Variants in DPYD observed in about 807,000 individuals in gnomAD.
DPYD encodes dihydropyrimidine dehydrogenase, also known as dihydropyrimidine dehydrogenase [NADP(+)].
Under a neutral mutation model 116.2 loss-of-function variants are expected in DPYD, and 109 were observed. The observed-to-expected ratio is 0.94, with a 90% CI of 0.80 to 1.10. The LOEUF is 1.10. Among genes scored for constraint, DPYD ranks in the 50% least tolerant of loss-of-function variants. The probability of loss-of-function intolerance (pLI) is 0.00; values close to 1 mark genes in which losing one functional copy is unlikely to be tolerated. For synonymous variants in DPYD, 440 were observed against 432.0 expected (o/e 1.02, Z -0.23); for missense variants, 1,302 against 1,254.5 (o/e 1.04, Z -0.57).
chr1:97,669,658 G>C (rs1659751353), intron 8 of DPYD, among the ~76,000 whole-genome samples: 1 of 152,278 alleles, frequency 6.6e-6, no homozygotes, highest in South Asian at 2.1e-4. Context: ...GACAGAGAAA[G>C]AGATTATTAG....
chr1:97,619,209 T>C (rs189933936), intron 8 of DPYD, among the ~76,000 whole-genome samples: 1 of 152,300 alleles, frequency 6.6e-6, no homozygotes, highest in East Asian at 1.9e-4. Context: ...AATTAGGTAA[T>C]CATAAAATAT....
chr1:97,139,936 TTC>T (rs1307565004), intron 20 of DPYD, among the ~76,000 whole-genome samples: 3 of 152,172 alleles, frequency 2.0e-5, no homozygotes, highest in Non-Finnish European at 4.4e-5. Flanking sequence ...CTGTAGAATG[TTC>T]TGTTTCCGCT....
intron 13 of DPYD, among the ~76,000 whole-genome samples, chr1:97,506,673 C>A (rs1647358110): frequency 6.6e-6 from 1 of 151,776 alleles, no homozygotes; most frequent in South Asian, 2.1e-4. Flanking sequence ...GTCCACTCTA[C>A]CAAAATGATT....
intron 16 of DPYD, among the ~76,000 whole-genome samples, chr1:97,351,483 A>T (rs111788017): frequency 0.032 from 4,858 of 152,202 alleles, 116 homozygotes; most frequent in Non-Finnish European, 0.049. Flanking sequence ...AAAAAAATAA[A>T]TCATGGAATG....
intron 19 of DPYD, among the ~76,000 whole-genome samples, chr1:97,229,160 C>T (rs1442229770): frequency 6.0e-5 from 8 of 134,344 alleles, no homozygotes; most frequent in South Asian, 2.5e-4. Flanking sequence ...GCTGAGATTG[C>T]GTCACTGCAC....
At chr1:97,721,389 T>A in intron 5 of DPYD, 121 bp downstream of exon 5, 1 of 1,209,046 alleles carries the variant, frequency 8.3e-7, no homozygotes, top group Non-Finnish European at 1.2e-6. Flanking sequence ...CAAAACATAC[T>A]TGAGCTGTGT....
At chr1:97,148,265 G>A (rs1299172789) in intron 20 of DPYD, among the ~76,000 whole-genome samples, 3 of 151,298 alleles carry the variant, frequency 2.0e-5, no homozygotes, top group Non-Finnish European at 4.4e-5. Context: ...GGGGGGGTGT[G>A]TGTGTTCTTT....
At chr1:97,146,519 A>ATTTG (rs1171300269) in intron 20 of DPYD, among the ~76,000 whole-genome samples, 1 of 152,170 alleles carries the variant, frequency 6.6e-6, no homozygotes, top group Non-Finnish European at 1.5e-5. Flanking sequence ...ATTCAGGGTT[A>ATTTG]TTTGTTTGTT....
intron 2 of DPYD, among the ~76,000 whole-genome samples, chr1:97,838,305 T>C (rs926560981): frequency 3.9e-5 from 6 of 152,206 alleles, no homozygotes; most frequent in African/African-American, 1.4e-4. Flanking sequence ...AGGTTTATTA[T>C]ATAAACCATA....
chr1:97,584,529 T>A (rs968937774), intron 10 of DPYD, among the ~76,000 whole-genome samples: 1 of 151,960 alleles, frequency 6.6e-6, no homozygotes, highest in African/African-American at 2.4e-5. Context: ...TCTTCCAGGG[T>A]TTTTATGGTT....
At chr1:97,276,826 C>A (rs114268357) in intron 18 of DPYD, among the ~76,000 whole-genome samples, 1 of 152,024 alleles carries the variant, frequency 6.6e-6, no homozygotes, top group Non-Finnish European at 1.5e-5. Flanking sequence ...AAAACAGAAC[C>A]AGCATTTAAT....
rs190834519 is a variant in DPYD at position 97,349,692 on chromosome 1, C to T, written c.2058+23869G>A. 1.6e-4 allele frequency among the ~76,000 whole-genome samples: 25 copies of T among 152,250 alleles called. No individual in the cohort carries two copies. The East Asian group carries it at 4.5e-3, about 27-fold the overall frequency. The stretch of plus-strand genomic sequence containing the variant: ...GACATGAACTCATCAATTTTTATGG[C>T]TGCATAGTATTCCATGGTGTATATG... On this transcript the variant is annotated intron_variant, in intron 16 of 22. Transcript: ENST00000370192.
intron 20 of DPYD, among the ~76,000 whole-genome samples, chr1:97,123,274 C>T (rs10493890): frequency 0.3 from 45,503 of 151,942 alleles, 7,192 homozygotes; most frequent in Middle Eastern, 0.42. Context: ...TACACACAAA[C>T]AGTTTACCAC....
chr1:97,646,132 A>G (rs192347189), intron 8 of DPYD, among the ~76,000 whole-genome samples: 5 of 152,208 alleles, frequency 3.3e-5, no homozygotes. Flanking sequence ...TCAAAGTACA[A>G]TTTCAAACAT....
At chr1:97,580,919 T>A (rs1225713351) in intron 10 of DPYD, among the ~76,000 whole-genome samples, 1 of 152,152 alleles carries the variant, frequency 6.6e-6, no homozygotes, top group Non-Finnish European at 1.5e-5. Context: ...CCGCATTCTG[T>A]ATTTGGAGTT....
chr1:97,373,572 C>T lies in DPYD; in HGVS notation c.2047G>A (p.Ala683Thr). Reference sequence around the variant, plus strand: ...GTCAAGGTCCTTACCTGCCCACAGGCCAGGCCCATTCCTCTTTCTCCCATG... The same window carrying T: ...GTCAAGGTCCTTACCTGCCCACAGGTCAGGCCCATTCCTCTTTCTCCCATG... ...HGMGERGMGL[A>T]CGQDPELVRN... The change falls in exon 16 of 23, where the codon GCC becomes ACC. Residue 683 changes from alanine to threonine, a missense_variant. Ala to Thr is a moderately conservative substitution (Grantham distance 58, BLOSUM62 0). Coordinates refer to ENST00000370192, the MANE Select transcript of DPYD (RefSeq NM_000110.4). The T allele has an allele frequency of 2.5e-6, 4 of 1,613,598 alleles. No homozygotes were observed. Among genetic ancestry groups the T allele is most frequent in the Non-Finnish European group, 3.4e-6 (4 of 1,179,760 alleles).
chr1:97,888,677 T>G (rs571206947), intron 1 of DPYD, among the ~76,000 whole-genome samples: 14 of 151,274 alleles, frequency 9.3e-5, no homozygotes, highest in Non-Finnish European at 1.8e-4. Flanking sequence ...AGTTTAACAG[T>G]GAATTTCTCA....
chr1:97,527,267 CA>C, intron 12 of DPYD, among the ~76,000 whole-genome samples: 1 of 152,110 alleles, frequency 6.6e-6, no homozygotes, highest in South Asian at 2.1e-4. Context: ...TTTGTAGAGA[CA>C]GGGTTTCACC....
At chr1:97,339,880 G>A (rs1669506691) in intron 16 of DPYD, among the ~76,000 whole-genome samples, 1 of 152,058 alleles carries the variant, frequency 6.6e-6, no homozygotes, top group South Asian at 2.1e-4. Flanking sequence ...CAAAAATTGT[G>A]GAGAAAAGAA....
Sources: gnomAD v4.1 joint callset for allele counts (sites outside exome capture counted in the v4.1 genomes callset) on GRCh38, gnomAD v4.1.1 for gene constraint, MANE v1.5 for transcripts, NCBI Gene and HGNC (gene_info 2026-07-23, HGNC 2026-07-21) for gene names.